TRPM3: variants seen among roughly 807,000 people sequenced by gnomAD.
The protein encoded by TRPM3 is long transient receptor potential channel 3.
A neutral mutation model predicts 181.2 loss-of-function variants in TRPM3; 77 were observed. That is an observed-to-expected ratio of 0.42 (90% confidence interval 0.35 to 0.51). The LOEUF (loss-of-function observed/expected upper bound fraction) is 0.51. Among genes scored for constraint, TRPM3 ranks in the 20% least tolerant of loss-of-function variants. The pLI, the probability that TRPM3 is intolerant of heterozygous loss-of-function variation, is 0.01. For missense variants in TRPM3, 1,759 were observed against 2,196.7 expected, an observed-to-expected ratio of 0.80 and a Z score of 3.98; for synonymous variants, 745 against 796.4, an observed-to-expected ratio of 0.94 and a Z score of 1.09.
chr9:71,351,628 T>C (rs966521254), intron 1 of TRPM3, among the ~76,000 whole-genome samples: 4 of 152,180 alleles, frequency 2.6e-5, no homozygotes, highest in African/African-American at 9.7e-5. Context: ...CATAGGTATA[T>C]CTTCAAAATA....
At chr9:71,100,682 T>C (rs540753372) in intron 1 of TRPM3, among the ~76,000 whole-genome samples, 23 of 152,290 alleles carry the variant, frequency 1.5e-4, no homozygotes, top group African/African-American at 5.5e-4. Context: ...ATCAGAATCC[T>C]TGTGCCTCTA....
chr9:71,388,625 TAC>T (rs2092985843), intron 1 of TRPM3, among the ~76,000 whole-genome samples: 1 of 152,124 alleles, frequency 6.6e-6, no homozygotes, highest in African/African-American at 2.4e-5. Flanking sequence ...GTTGACAGAG[TAC>T]AGAGTATATT....
chr9:71,375,523 T>C (rs553031047), intron 1 of TRPM3, among the ~76,000 whole-genome samples: 122 of 152,226 alleles, frequency 8.0e-4, no homozygotes, highest in African/African-American at 2.6e-3. Context: ...AATTGACAAA[T>C]AGAATCTAAT....
intron 22 of TRPM3, among the ~76,000 whole-genome samples, chr9:70,585,057 T>A (rs1272725751): frequency 1.3e-5 from 2 of 152,242 alleles, no homozygotes; most frequent in African/African-American, 4.8e-5. Flanking sequence ...AGAGCTCTAC[T>A]GCATTGTGCT....
In TRPM3 at chr9:71,413,058, T is replaced by G. The variant is rs112180847; in HGVS notation, c.183+33595A>C. Among the ~76,000 whole-genome samples, 286 of 152,132 alleles carry G rather than the reference T, an allele frequency of 1.9e-3. 1 individual carries two copies. Among genetic ancestry groups the G allele is most frequent in the African/African-American group, 6.6e-3 (273 of 41,500 alleles). On this transcript the variant is annotated intron_variant, in intron 1 of 24. Transcript: ENST00000357533. ...GTGGGAATTGAACAATGAGAACACT[T>G]GGACACAGGGTGGGGAACATCACAC...
intron 5 of TRPM3, among the ~76,000 whole-genome samples, chr9:70,828,446 C>T (rs758635709): frequency 2.6e-5 from 4 of 152,006 alleles, no homozygotes; most frequent in African/African-American, 7.2e-5. Flanking sequence ...GAGATGGTGG[C>T]GGGGAGCTAG....
intron 1 of TRPM3, among the ~76,000 whole-genome samples, chr9:70,935,804 C>T (rs1337016): frequency 0.095 from 14,441 of 152,118 alleles, 825 homozygotes; most frequent in African/African-American, 0.16. Flanking sequence ...TTCCCCCAAG[C>T]GCAATCCGTA....
intron 1 of TRPM3, among the ~76,000 whole-genome samples, chr9:71,065,689 C>A (rs1420569748): frequency 6.6e-6 from 1 of 152,142 alleles, no homozygotes; most frequent in East Asian, 1.9e-4. Context: ...ATCCTGGTAA[C>A]CAGGAGATTA....
At chr9:70,821,381 G>T (rs2093153811) in intron 6 of TRPM3, among the ~76,000 whole-genome samples, 1 of 152,166 alleles carries the variant, frequency 6.6e-6, no homozygotes, top group South Asian at 2.1e-4. Flanking sequence ...ATAGCTGTAG[G>T]GTGGCTATAA....
At chr9:70,618,491 G>C (rs974217480) in intron 17 of TRPM3, among the ~76,000 whole-genome samples, 3 of 152,170 alleles carry the variant, frequency 2.0e-5, no homozygotes, top group Non-Finnish European at 4.4e-5. Flanking sequence ...GCCAAGGAGG[G>C]CCAGGGGTTC....
At chr9:71,196,780 G>A (rs2078396980) in intron 1 of TRPM3, among the ~76,000 whole-genome samples, 1 of 152,008 alleles carries the variant, frequency 6.6e-6, no homozygotes, top group African/African-American at 2.4e-5. Flanking sequence ...ATATGAACAC[G>A]ATTTTGAGCC....
At chr9:70,937,346 C>T (rs1589909069) in intron 1 of TRPM3, among the ~76,000 whole-genome samples, 2 of 152,204 alleles carry the variant, frequency 1.3e-5, no homozygotes, top group East Asian at 3.9e-4. Context: ...TGGCAGTGTA[C>T]CATCCATAAG....
intron 1 of TRPM3, among the ~76,000 whole-genome samples, chr9:71,188,064 C>T (rs768820296): frequency 6.6e-6 from 1 of 151,862 alleles, no homozygotes; most frequent in Non-Finnish European, 1.5e-5. Flanking sequence ...ATATTACAGA[C>T]AACTTTAATA....
intron 19 of TRPM3, among the ~76,000 whole-genome samples, chr9:70,606,551 C>G (rs2061160990): frequency 6.6e-6 from 1 of 152,000 alleles, no homozygotes; most frequent in African/African-American, 2.4e-5. Flanking sequence ...TGGCTGCTGT[C>G]CTGGAAGCAG....
chr9:70,557,234 C>G (rs762586292), intron 22 of TRPM3, among the ~76,000 whole-genome samples: 3 of 152,174 alleles, frequency 2.0e-5, no homozygotes, highest in Non-Finnish European at 4.4e-5. Flanking sequence ...GATAGTCCCT[C>G]TAGCCTGGCC....
At chr9:70,994,299 C>CA (rs2097522728) in intron 1 of TRPM3, among the ~76,000 whole-genome samples, 1 of 152,066 alleles carries the variant, frequency 6.6e-6, no homozygotes, top group South Asian at 2.1e-4. Flanking sequence ...GCTGTTGATA[C>CA]AAAATACCTT....
At chr9:71,274,733 TCATGTATGCAAGG>T (rs1457475867) in intron 1 of TRPM3, among the ~76,000 whole-genome samples, 1 of 152,216 alleles carries the variant, frequency 6.6e-6, no homozygotes, top group African/African-American at 2.4e-5. Context: ...GTCTACAAAC[TCATGTATGCAAGG>T]CATGCCACTT....
chr9:71,095,892 C>T (rs2067107865), intron 1 of TRPM3, among the ~76,000 whole-genome samples: 1 of 151,828 alleles, frequency 6.6e-6, no homozygotes. Context: ...CAGATAGCTA[C>T]CAGAGACAGA....
intron 22 of TRPM3, among the ~76,000 whole-genome samples, chr9:70,561,006 CAG>C (rs1189598810): frequency 2.0e-5 from 3 of 152,302 alleles, no homozygotes; most frequent in East Asian, 3.9e-4. Flanking sequence ...TTGATATAAT[CAG>C]AGTCATCCTT....
Sources: allele counts gnomAD v4.1 joint callset (sites outside exome capture counted in the v4.1 genomes callset), GRCh38; gene constraint gnomAD v4.1.1; transcripts MANE v1.5; gene names NCBI Gene and HGNC (gene_info 2026-07-23, HGNC 2026-07-21).